The following PEX13 variants were observed in gnomAD, a reference collection of about 807,000 sequenced individuals.
PEX13 encodes the protein peroxisome biogenesis factor 13.
In PEX13, 28 loss-of-function variants were observed where a neutral mutation model predicts 34.5. The ratio of observed to expected loss-of-function variants is 0.81; its 90% CI spans 0.60 to 1.11. PEX13 has a LOEUF of 1.11. Ranked by LOEUF, PEX13 falls within the 50% of genes most tolerant of loss-of-function variation. The probability of loss-of-function intolerance (pLI) is 0.00; values close to 1 mark genes in which losing one functional copy is unlikely to be tolerated. For missense variants in PEX13, 550 were observed against 491.0 expected, an observed-to-expected ratio of 1.12 and a Z score of -1.13; for synonymous variants, 177 against 175.1, an observed-to-expected ratio of 1.01 and a Z score of -0.09.
chr2:61,020,066 A>G (rs1680226021), intron 1 of PEX13, among the ~76,000 whole-genome samples: 1 of 152,194 alleles, frequency 6.6e-6, no homozygotes, highest in Non-Finnish European at 1.5e-5. Flanking sequence ...TACTAAAAAT[A>G]CAAAAAAACA....
intron 2 of PEX13, among the ~76,000 whole-genome samples, chr2:61,040,536 T>G (rs949062766): frequency 6.6e-6 from 1 of 151,710 alleles, no homozygotes; most frequent in Non-Finnish European, 1.5e-5. Flanking sequence ...AGTTGAACAA[T>G]GAGAACACAT....
chr2:61,042,623 A>C (rs1399676551), intron 2 of PEX13, among the ~76,000 whole-genome samples: 1 of 152,208 alleles, frequency 6.6e-6, no homozygotes, highest in Non-Finnish European at 1.5e-5. Context: ...AAATTAGAAA[A>C]TTTAAAATGG....
At chr2:61,044,946 A>C (rs1680683619) in intron 2 of PEX13, among the ~76,000 whole-genome samples, 1 of 152,236 alleles carries the variant, frequency 6.6e-6, no homozygotes, top group East Asian at 1.9e-4. Context: ...TGCAAGCACA[A>C]AGGAAATTTC....
chr2:61,031,637 G>T lies in PEX13; in HGVS notation c.311G>T (p.Gly104Val). 1 of 1,614,128 alleles carries T rather than the reference G, an allele frequency of 6.2e-7. No individual in the cohort carries two copies. The highest frequency in any genetic ancestry group is 1.1e-5 in the South Asian group (1 of 91,078). Residue 104 changes from glycine (G) to valine (V), a missense_variant, in exon 2 of 4, where the codon GGC becomes GTC. Coordinates refer to ENST00000295030, the MANE Select transcript of PEX13 (RefSeq NM_002618.4). ...TATAGTTATGGATATAATGGGCTGG[G>T]CTACAACCGCCTCCGTGTAGATGAT... The part of the protein sequence containing the change: ...SPYSYGYNGL[G>V]YNRLRVDDLP...
chr2:61,025,568 A>G (rs1680340683), intron 1 of PEX13, among the ~76,000 whole-genome samples: 1 of 152,228 alleles, frequency 6.6e-6, no homozygotes. Flanking sequence ...CATGCTGGAC[A>G]GGCTGGTCTC....
At position 61,019,649 on chromosome 2, in the gene PEX13, A is replaced by G. The variant is rs541804886; in HGVS notation, c.92+1798A>G. ...CGCAGCACCATTTATTGAGTAGTCT[A>G]TTCTTAGTTTTTAATGCCATCTATG... is the stretch of plus-strand genomic sequence containing the variant. On this transcript the variant is annotated intron_variant, in intron 1 of 3. Transcript: ENST00000295030. 6.0e-4 allele frequency among the ~76,000 whole-genome samples: 92 copies of G among 152,170 alleles called. 1 individual carries two copies. The highest frequency in any genetic ancestry group is 5.0e-4 in the Non-Finnish European group (34 of 67,994).
intron 2 of PEX13, among the ~76,000 whole-genome samples, chr2:61,043,388 T>G (rs1680658604): frequency 6.6e-6 from 1 of 151,616 alleles, no homozygotes; most frequent in South Asian, 2.1e-4. Context: ...TGCTTAGTTG[T>G]TTATTTGAGA....
chr2:61,035,342 G>T (rs929550350), intron 2 of PEX13, among the ~76,000 whole-genome samples: 1 of 152,122 alleles, frequency 6.6e-6, no homozygotes, highest in South Asian at 2.1e-4. Flanking sequence ...AAGACCAAAG[G>T]TAGATAAAAC....
intron 2 of PEX13, among the ~76,000 whole-genome samples, chr2:61,039,250 A>G (rs967444636): frequency 1.1e-4 from 16 of 152,224 alleles, no homozygotes; most frequent in African/African-American, 3.9e-4. Flanking sequence ...ACTACTTTAA[A>G]GTTCATATGG....
intron 2 of PEX13, among the ~76,000 whole-genome samples, chr2:61,040,703 CTG>C (rs1680609166): frequency 6.6e-6 from 1 of 150,558 alleles, no homozygotes; most frequent in South Asian, 2.1e-4. Flanking sequence ...AACCGGCACA[CTG>C]TGCACACGTA....
intron 2 of PEX13, among the ~76,000 whole-genome samples, chr2:61,039,938 C>A (rs1680594989): frequency 6.6e-6 from 1 of 152,100 alleles, no homozygotes; most frequent in Non-Finnish European, 1.5e-5. Context: ...AAGATATGAA[C>A]AGATACTTCT....
At chr2:61,024,404 C>T (rs1680315272) in intron 1 of PEX13, among the ~76,000 whole-genome samples, 1 of 152,206 alleles carries the variant, frequency 6.6e-6, no homozygotes, top group African/African-American at 2.4e-5. Context: ...GTATCTTACT[C>T]TCTTTTCTGT....
rs116059308 is a variant in PEX13, at chr2:61,032,000, A to G, written c.674A>G (p.Asp225Gly). 1.2e-3 allele frequency: 1,873 copies of G among 1,612,976 alleles called. 21 individuals carry two copies. The African/African-American group carries it at 0.022, about 19-fold the overall frequency. ...ACTGTGGCATGCCTTGGTGCTGAGG[A>G]CCGAGCAGCTACCTCAGCAAAATCT... ...EGTVACLGAE[D>G]RAATSAKSWP... Residue 225 changes from aspartate to glycine, a missense_variant, in exon 2 of 4, where the codon GAC becomes GGC. Physicochemically the swap from Asp to Gly is moderately conservative, Grantham distance 94. Transcript: ENST00000295030.
intron 3 of PEX13, among the ~76,000 whole-genome samples, chr2:61,048,152 A>G (rs1203678788): frequency 6.6e-6 from 1 of 152,230 alleles, no homozygotes; most frequent in Non-Finnish European, 1.5e-5. Flanking sequence ...ACTCCAGTTT[A>G]AAATATGAAA....
chr2:61,024,360 T>A (rs1453248748), intron 1 of PEX13, among the ~76,000 whole-genome samples: 1 of 152,194 alleles, frequency 6.6e-6, no homozygotes, highest in Admixed American at 6.6e-5. Context: ...TTAACTCAAC[T>A]TGCATATATA....
At chr2:61,040,554 G>C (rs1018557169) in intron 2 of PEX13, among the ~76,000 whole-genome samples, 1 of 151,954 alleles carries the variant, frequency 6.6e-6, no homozygotes, top group African/African-American at 2.4e-5. Context: ...CATGGATACA[G>C]GGCAGGGAGC....
intron 1 of PEX13, chr2:61,018,466 T>A: frequency 2.6e-6 from 2 of 773,890 alleles, no homozygotes; most frequent in Non-Finnish European, 1.9e-6. Context: ...TTCTGAGGCC[T>A]GTATTTTTTT....
At chr2:61,045,229 A>T (rs1680687248) in intron 2 of PEX13, among the ~76,000 whole-genome samples, 1 of 152,256 alleles carries the variant, frequency 6.6e-6, no homozygotes, top group South Asian at 2.1e-4. Context: ...ACAAATTAGA[A>T]TTAGCAAGTG....
At chr2:61,028,142 T>G (rs1559032838) in intron 1 of PEX13, among the ~76,000 whole-genome samples, 2 of 152,186 alleles carry the variant, frequency 1.3e-5, no homozygotes, top group Admixed American at 1.3e-4. Context: ...AAGATACATT[T>G]TAATGGAAAG....
Sources: allele counts gnomAD v4.1 joint callset (sites outside exome capture counted in the v4.1 genomes callset), GRCh38; gene constraint gnomAD v4.1.1; transcripts MANE v1.5; gene names NCBI Gene and HGNC (gene_info 2026-07-23, HGNC 2026-07-21).